The following NAV3 variants were observed in gnomAD, a reference collection of about 807,000 sequenced individuals.
The protein encoded by NAV3 is neuron navigator 3.
A neutral mutation model predicts 244.7 loss-of-function variants in NAV3; 87 were observed. The ratio of observed to expected loss-of-function variants is 0.36; its 90% CI spans 0.30 to 0.42. The LOEUF is 0.42. Ranked by LOEUF, NAV3 falls within the 20% of genes least tolerant of loss-of-function variation. The pLI is 1.00. For synonymous variants in NAV3, 1,126 were observed against 1,042.2 expected, an observed-to-expected ratio of 1.08 and a Z score of -1.55; for missense variants, 2,663 against 2,893.3, an observed-to-expected ratio of 0.92 and a Z score of 1.83.
chr12:77,812,478 T>C (rs1471397032), intron 2 of NAV3, among the ~76,000 whole-genome samples: 2 of 151,990 alleles, frequency 1.3e-5, no homozygotes, highest in Non-Finnish European at 2.9e-5. Context: ...TGTGGCACTA[T>C]CTCGGGGCTC....
At chr12:78,021,638 C>G in intron 8 of NAV3, 109 bp from the exon 9 acceptor site, 1 of 711,368 alleles carries the variant, frequency 1.4e-6, no homozygotes, top group East Asian at 2.7e-5. Flanking sequence ...TAAAGAAATA[C>G]TTACCTTGAT....
intron 2 of NAV3, among the ~76,000 whole-genome samples, chr12:77,668,493 T>A (rs1873819690): frequency 1.3e-5 from 2 of 152,124 alleles, no homozygotes; most frequent in South Asian, 4.1e-4. Context: ...CAAAATGCAC[T>A]GAAAAGTCTC....
chr12:78,150,690 C>A (rs1400799634), intron 22 of NAV3, among the ~76,000 whole-genome samples: 1 of 149,726 alleles, frequency 6.7e-6, no homozygotes, highest in African/African-American at 2.5e-5. Flanking sequence ...CATACGGAAC[C>A]AAATTCTAAC....
At position 78,193,043 on chromosome 12, in the gene NAV3, G is replaced by A. The variant is rs184155884; in HGVS notation, c.6291+2824G>A. On this transcript the variant is annotated intron_variant, in intron 34 of 39. Transcript: ENST00000397909. ...AATGAGGCATGAAATAATAAATCCT[G>A]TTCCTGAAAACCTGGAGCTGTGTAA... is the stretch of plus-strand genomic sequence containing the variant. 2.0e-3 allele frequency among the ~76,000 whole-genome samples: 307 copies of A among 152,236 alleles called. 1 individual carries two copies. The highest frequency in any genetic ancestry group is 7.2e-3 in the African/African-American group (300 of 41,562).
chr12:77,859,758 C>CA (rs61516625), intron 1 of NAV3, among the ~76,000 whole-genome samples: 23,041 of 68,384 alleles, frequency 0.34, 4,255 homozygotes, highest in African/African-American at 0.41. Context: ...CTTTCAAATG[C>CA]AAAAAAAAAA....
chr12:77,957,588 T>G (rs1444802933), intron 3 of NAV3, among the ~76,000 whole-genome samples: 1 of 152,220 alleles, frequency 6.6e-6, no homozygotes, highest in Non-Finnish European at 1.5e-5. Flanking sequence ...TTAAAATGTA[T>G]GAGTTCAATA....
chr12:77,895,479 A>G (rs1884487852), intron 1 of NAV3, among the ~76,000 whole-genome samples: 2 of 152,262 alleles, frequency 1.3e-5, no homozygotes, highest in South Asian at 4.1e-4. Flanking sequence ...TATAAAACTT[A>G]GAATCTACTC....
Position 78,028,131 on chromosome 12 carries a change from A to G in NAV3, c.2023+6269A>G, listed in dbSNP as rs150779556. Among the ~76,000 whole-genome samples, 740 of 152,258 alleles carry G rather than the reference A, an allele frequency of 4.9e-3. 2 individuals are homozygous for G. Among genetic ancestry groups the G allele is most frequent in the South Asian group, 0.021 (102 of 4,824 alleles). On this transcript the variant is annotated intron_variant, in intron 9 of 39. Coordinates refer to ENST00000397909, the MANE Select transcript of NAV3 (RefSeq NM_001024383.2). ...TGAAGGTCTCCATTGAAAGTGATGA[A>G]CAGAATTAATGAAAAACAGAAAAAC...
At chr12:78,035,413 A>G (rs990988330) in intron 9 of NAV3, among the ~76,000 whole-genome samples, 1 of 152,166 alleles carries the variant, frequency 6.6e-6, no homozygotes, top group Non-Finnish European at 1.5e-5. Context: ...GCTATACTAT[A>G]TATTTGTTTT....
chr12:77,918,612 C>T (rs558773554), intron 1 of NAV3, among the ~76,000 whole-genome samples: 5 of 152,074 alleles, frequency 3.3e-5, no homozygotes, highest in African/African-American at 7.2e-5. Context: ...AGTTTGTGGC[C>T]GGCTGCCCAT....
rs146299226 is a variant in NAV3, at chr12:77,856,259, T to G, written c.243+24555T>G. ...TCTTGGCTGTCTATGAAGTAGAGTA[T>G]TATTATTATTTGTTCTTGTGACATG... On this transcript the variant is annotated intron_variant, in intron 1 of 39. Transcript: ENST00000397909. 5.0e-3 allele frequency among the ~76,000 whole-genome samples: 764 copies of G among 152,300 alleles called. 3 individuals carry two copies. The highest frequency in any genetic ancestry group is 0.018 in the African/African-American group (732 of 41,556).
chr12:77,765,222 C>A (rs1194369899), intron 2 of NAV3, among the ~76,000 whole-genome samples: 1 of 152,154 alleles, frequency 6.6e-6, no homozygotes, highest in East Asian at 1.9e-4. Context: ...TCTTTGAGAC[C>A]CTTTTGCCAG....
chr12:77,776,159 C>A (rs1266387912), intron 2 of NAV3, among the ~76,000 whole-genome samples: 1 of 152,110 alleles, frequency 6.6e-6, no homozygotes, highest in Non-Finnish European at 1.5e-5. Flanking sequence ...CCAAGAAAAG[C>A]AACATTGAGA....
intron 2 of NAV3, among the ~76,000 whole-genome samples, chr12:77,651,823 A>C (rs956188749): frequency 3.9e-5 from 6 of 152,240 alleles, no homozygotes; most frequent in Non-Finnish European, 8.8e-5. Context: ...TAGAAAAGAA[A>C]GAGTCAGAGG....
Position 78,148,866 on chromosome 12 carries a change from C to T in NAV3, c.4732C>T (p.Leu1578=), listed in dbSNP as rs763259930. The change falls in exon 22 of 40, where the codon CTG becomes TTG. Residue 1578 remains leucine (L), a synonymous_variant. Transcript: ENST00000397909. Reference sequence around the variant, plus strand: ...GCAAATCCATAAACTGCGGAGAGAGCTGGTTGCATCACAAGAAAAAGTTGC... The same window carrying T: ...GCAAATCCATAAACTGCGGAGAGAGTTGGTTGCATCACAAGAAAAAGTTGC... ...SEQIHKLRRE[L]VASQEKVATL... 4.3e-6 allele frequency: 7 copies of T among 1,612,480 alleles called. No individual in the cohort carries two copies. In the African/African-American group the frequency reaches 5.3e-5, roughly 12 times the overall value.
chr12:77,798,586 G>A (rs1421853999), intron 2 of NAV3, among the ~76,000 whole-genome samples: 7 of 152,086 alleles, frequency 4.6e-5, no homozygotes, highest in Non-Finnish European at 8.8e-5. Context: ...GGGCTGTTGT[G>A]AGGACTAAAT....
Position 77,901,301 on chromosome 12 carries a change from G to C in NAV3, c.244-39018G>C, listed in dbSNP as rs180922085. Among the ~76,000 whole-genome samples the C allele has an allele frequency of 2.6e-5, 4 of 152,224 alleles. No individual in the cohort carries two copies. The East Asian group carries it at 7.7e-4, about 29-fold the overall frequency. ...ACTTAGTCATAAATTATTTCCCAAGGCCAATATCAAAAACTGTATTTCCTA... is the reference window on the plus strand; with the variant it reads ...ACTTAGTCATAAATTATTTCCCAAGCCCAATATCAAAAACTGTATTTCCTA... On this transcript the variant is annotated intron_variant, in intron 1 of 39. Coordinates refer to ENST00000397909, the MANE Select transcript of NAV3 (RefSeq NM_001024383.2).
chr12:77,590,136 C>A (rs1306879622), intron 2 of NAV3, among the ~76,000 whole-genome samples: 3 of 152,124 alleles, frequency 2.0e-5, no homozygotes, highest in Admixed American at 1.3e-4. Flanking sequence ...GTCATCTTTC[C>A]ATATCATAAA....
chr12:77,778,058 G>A (rs184175397), intron 2 of NAV3, among the ~76,000 whole-genome samples: 4 of 151,722 alleles, frequency 2.6e-5, no homozygotes, highest in African/African-American at 9.7e-5. Context: ...CATCCACCTC[G>A]GCCTCCCAAA....
Sources: gnomAD v4.1 joint callset for allele counts (sites outside exome capture counted in the v4.1 genomes callset) on GRCh38, gnomAD v4.1.1 for gene constraint, MANE v1.5 for transcripts, NCBI Gene and HGNC (gene_info 2026-07-23, HGNC 2026-07-21) for gene names.